IPO5: variants seen among roughly 807,000 people sequenced by gnomAD.
IPO5 encodes importin-5.
In IPO5, 18 loss-of-function variants were observed where a neutral mutation model predicts 143.3. The observed-to-expected ratio is 0.13, with a 90% CI of 0.09 to 0.19. The LOEUF (loss-of-function observed/expected upper bound fraction) is 0.19, where lower values mean the gene tolerates loss of function less well. IPO5 is among the 10% of genes least tolerant of loss of function. IPO5 has a pLI of 1.00. For missense variants in IPO5, 1,013 were observed against 1,336.9 expected, an observed-to-expected ratio of 0.76 and a Z score of 3.78; for synonymous variants, 477 against 465.7, an observed-to-expected ratio of 1.02 and a Z score of -0.31.
chr13:97,976,049 G>T (rs927088931), intron 3 of IPO5: 3 of 793,060 alleles, frequency 3.8e-6, no homozygotes, highest in Non-Finnish European at 4.6e-6. Context: ...TGGGTGAAGG[G>T]CTGGATCCCA....
intron 2 of IPO5, among the ~76,000 whole-genome samples, chr13:97,962,056 G>C (rs975496820): frequency 2.0e-5 from 3 of 152,186 alleles, no homozygotes; most frequent in African/African-American, 7.2e-5. Context: ...TTGAACCTGG[G>C]AGGCAGAGCC....
intron 6 of IPO5, 22 bp from the exon 7 acceptor site, chr13:97,989,040 G>A (rs375863277): frequency 7.0e-7 from 1 of 1,426,830 alleles, no homozygotes; most frequent in Non-Finnish European, 9.9e-7. Context: ...ACAACTTTAT[G>A]TCTGGATTTC....
intron 13 of IPO5, 70 bp downstream of exon 13, chr13:98,000,715 GT>G (rs1888695914): frequency 1.1e-6 from 1 of 937,092 alleles, no homozygotes; most frequent in Non-Finnish European, 1.7e-6. Flanking sequence ...TCTAAGATAT[GT>G]TTAGACTGTT....
Position 98,009,986 on chromosome 13 carries a change from A to G in IPO5, c.1906A>G (p.Ile636Val), listed in dbSNP as rs764782115. Reference sequence around the variant, plus strand: ...GGGGCCTTTAATGAAGACGGCTTCAATTAAGCCCGAAGTAGCCCTTTTAGA... The same window carrying G: ...GGGGCCTTTAATGAAGACGGCTTCAGTTAAGCCCGAAGTAGCCCTTTTAGA... The part of the protein sequence containing the change: ...VMGPLMKTAS[I>V]KPEVALLDTQ... Residue 636 changes from isoleucine to valine, a missense_variant, in exon 19 of 29, where the codon ATT (isoleucine) becomes GTT (valine). Ile to Val is a conservative substitution (Grantham distance 29). Around this residue, in one of 2 missense-constraint regions of IPO5, gnomAD observed 685 missense variants for 994.9 expected, o/e 0.69. Transcript: ENST00000651721. 7.3e-5 allele frequency: 118 copies of G among 1,614,034 alleles called. No individual in the cohort carries two copies. The highest frequency in any genetic ancestry group is 1.1e-4 in the African/African-American group (8 of 74,938).
In IPO5 at chr13:97,997,570, ATG is replaced by A; in HGVS notation, c.954_955del (p.Asp318GlufsTer8). ...GCAATGATGGTTGATTTGGAAGAAGATGAGGACTGGGCAAATGCAGATGAACT... is the reference window on the plus strand; with the variant it reads ...GCAATGATGGTTGATTTGGAAGAAGAAGGACTGGGCAAATGCAGATGAACT... On this transcript the variant is annotated frameshift_variant, in exon 12 of 29. Transcript: ENST00000651721. LOFTEE classifies it high-confidence loss of function. 1 of 1,611,298 alleles carries A rather than the reference ATG, an allele frequency of 6.2e-7. No homozygotes were observed. Among genetic ancestry groups the A allele is most frequent in the South Asian group, 1.1e-5 (1 of 90,804 alleles).
At chr13:97,954,058 T>A (rs1884294840) in intron 1 of IPO5, 61 bp from the exon 2 acceptor site, 2 of 351,406 alleles carry the variant, frequency 5.7e-6, no homozygotes, top group Non-Finnish European at 1.1e-5. Flanking sequence ...TGTGGGTTAT[T>A]ATCCTAAAGG....
chr13:97,979,168 C>T (rs191539883), intron 4 of IPO5, among the ~76,000 whole-genome samples: 13 of 152,166 alleles, frequency 8.5e-5, no homozygotes, highest in Admixed American at 7.9e-4. Context: ...TCTGATACAG[C>T]AAATATAGAA....
chr13:98,020,601 A>G (rs1286436911), intron 27 of IPO5, among the ~76,000 whole-genome samples: 3 of 152,240 alleles, frequency 2.0e-5, no homozygotes, highest in Non-Finnish European at 4.4e-5. Context: ...GTTTTTTCCC[A>G]TTAAACTTGC....
intron 21 of IPO5, among the ~76,000 whole-genome samples, chr13:98,013,334 G>A (rs990069858): frequency 2.6e-5 from 4 of 152,012 alleles, no homozygotes; most frequent in East Asian, 1.9e-4. Context: ...CCACATCTGC[G>A]TTCCAATATC....
chr13:97,977,370 C>T (rs942885068), intron 4 of IPO5, among the ~76,000 whole-genome samples: 32 of 152,330 alleles, frequency 2.1e-4, no homozygotes, highest in Middle Eastern at 3.4e-3. Flanking sequence ...AGCCAGATTT[C>T]CCTACCCCCT....
intron 26 of IPO5, 80 bp downstream of exon 26, chr13:98,018,784 C>A: frequency 9.9e-7 from 1 of 1,010,642 alleles, no homozygotes; most frequent in Admixed American, 2.1e-5. Context: ...ACCACACTCC[C>A]AAACATTATT....
intron 13 of IPO5, 111 bp from the exon 14 acceptor site, chr13:98,002,355 CA>C (rs1566536608): frequency 5.7e-6 from 6 of 1,052,972 alleles, no homozygotes; most frequent in African/African-American, 1.6e-5. Flanking sequence ...ATACCCTTTT[CA>C]AAAAAGTTTT....
chr13:97,998,914 A>C (rs1444226033), intron 12 of IPO5, among the ~76,000 whole-genome samples: 5 of 152,142 alleles, frequency 3.3e-5, no homozygotes, highest in African/African-American at 1.2e-4. Flanking sequence ...GGGCAGAGGC[A>C]GGCAGATCAC....
intron 4 of IPO5, among the ~76,000 whole-genome samples, chr13:97,978,533 T>G (rs1445220807): frequency 6.6e-6 from 1 of 152,122 alleles, no homozygotes; most frequent in African/African-American, 2.4e-5. Flanking sequence ...GTGATATGCA[T>G]GTATTGCACC....
In IPO5 at chr13:98,010,209, T is replaced by A. The variant is rs1889579828; in HGVS notation, c.2040T>A (p.Thr680=). ...CTGCAGGACTAGAAGAAAAATCAAC[T>A]GCTTGCCAGATGTTGGTAAGAGAGC... ...IKTAGLEEKS[T]ACQMLVCYAK... Residue 680 remains threonine (T), a synonymous_variant, in exon 20 of 29, where the codon ACT becomes ACA. Transcript: ENST00000651721. The A allele has an allele frequency of 1.2e-6, 2 of 1,613,940 alleles. No homozygotes were observed. Among genetic ancestry groups the A allele is most frequent in the Non-Finnish European group, 1.7e-6 (2 of 1,179,944 alleles).
intron 11 of IPO5, among the ~76,000 whole-genome samples, chr13:97,995,179 G>GTTTT (rs200248504): frequency 1.5e-5 from 2 of 131,754 alleles, no homozygotes; most frequent in Admixed American, 7.7e-5. Context: ...TTCTTTCTTT[G>GTTTT]TTTTTTTTTT....
chr13:98,011,184 A>G (rs942827473), intron 20 of IPO5, among the ~76,000 whole-genome samples: 1 of 152,142 alleles, frequency 6.6e-6, no homozygotes, highest in African/African-American at 2.4e-5. Flanking sequence ...TTTTCTCTCA[A>G]CTGGAAAGCA....
intron 21 of IPO5, among the ~76,000 whole-genome samples, chr13:98,013,083 G>GTC (rs1889846936): frequency 6.6e-6 from 1 of 151,970 alleles, no homozygotes; most frequent in Non-Finnish European, 1.5e-5. Flanking sequence ...TTGACACAGG[G>GTC]TCTCACTCTG....
intron 21 of IPO5, among the ~76,000 whole-genome samples, chr13:98,013,732 G>GT (rs1049498745): frequency 6.6e-6 from 1 of 152,126 alleles, no homozygotes; most frequent in Non-Finnish European, 1.5e-5. Flanking sequence ...AGTACCTAAG[G>GT]TTTTGAGGTA....
Sources: gnomAD v4.1 joint callset for allele counts (sites outside exome capture counted in the v4.1 genomes callset) on GRCh38, gnomAD v4.1.1 for gene constraint, gnomAD v4.1.1 regional missense constraint, MANE v1.5 for transcripts, NCBI Gene and HGNC (gene_info 2026-07-23, HGNC 2026-07-21) for gene names.